ADAMTS19: variants seen among roughly 807,000 people sequenced by gnomAD.
The protein encoded by ADAMTS19 is A disintegrin and metalloproteinase with thrombospondin motifs 19.
A neutral mutation model predicts 153.3 loss-of-function variants in ADAMTS19; 93 were observed. That is an observed-to-expected ratio of 0.61 (90% CI 0.51 to 0.72). ADAMTS19 has a LOEUF of 0.72. Among genes scored for constraint, ADAMTS19 ranks in the 30% least tolerant of loss-of-function variants. ADAMTS19 has a pLI of 0.00. For synonymous variants in ADAMTS19, 600 were observed against 556.6 expected (o/e 1.08, Z -1.10); for missense variants, 1,482 against 1,552.1 (o/e 0.95, Z 0.76).
chr5:129,571,869 T>C (rs1437506879), intron 7 of ADAMTS19, among the ~76,000 whole-genome samples: 3 of 151,812 alleles, frequency 2.0e-5, no homozygotes, highest in Admixed American at 1.3e-4. Context: ...TAGGGGCCAA[T>C]TGATTTTCTA....
In ADAMTS19 at chr5:129,738,036, A is replaced by T. The variant is rs934638286; in HGVS notation, c.*818A>T. ...AATATTTTTAACAAAGAAAACATTG[A>T]TCCACCCATTTCCCTGTATCTTTTT... On this transcript the variant is annotated 3_prime_UTR_variant, in exon 23 of 23. Coordinates refer to ENST00000274487, the MANE Select transcript of ADAMTS19 (RefSeq NM_133638.6). The T allele has an allele frequency of 6.6e-6, 1 of 152,482 alleles. No individual in the cohort carries two copies. The highest frequency in any genetic ancestry group is 2.4e-5 in the African/African-American group (1 of 41,428). The allele number at this position is 152,482 out of a possible 1,614,324, so 9.4% of individuals were successfully genotyped here. A position where few individuals can be genotyped will look rare whatever the true frequency, so the allele number is the denominator to read the frequency against.
At chr5:129,540,223 A>G (rs1434235991) in intron 6 of ADAMTS19, among the ~76,000 whole-genome samples, 1 of 152,084 alleles carries the variant, frequency 6.6e-6, no homozygotes, top group Non-Finnish European at 1.5e-5. Flanking sequence ...TAATAGGAAG[A>G]AATTTTAGCT....
chr5:129,658,322 AAAG>A (rs1421431764), intron 14 of ADAMTS19, among the ~76,000 whole-genome samples: 1 of 86,990 alleles, frequency 1.1e-5, no homozygotes, highest in Non-Finnish European at 2.4e-5. Context: ...AGAAAGAAAG[AAAG>A]AAAGAAAGAA....
intron 6 of ADAMTS19, among the ~76,000 whole-genome samples, chr5:129,532,404 A>C (rs1752240734): frequency 6.6e-6 from 1 of 152,206 alleles, no homozygotes; most frequent in South Asian, 2.1e-4. Context: ...AATGCAAATT[A>C]AATTCACACC....
chr5:129,655,547 G>A (rs1265611118), intron 14 of ADAMTS19, among the ~76,000 whole-genome samples: 4 of 152,134 alleles, frequency 2.6e-5, no homozygotes, highest in African/African-American at 9.7e-5. Context: ...AACAAAGTTG[G>A]TAGACCATTG....
intron 16 of ADAMTS19, among the ~76,000 whole-genome samples, chr5:129,675,594 T>A (rs56007130): frequency 0.11 from 16,002 of 152,192 alleles, 883 homozygotes; most frequent in Middle Eastern, 0.17. Context: ...ACTTTATCAT[T>A]ACAGTTATTA....
intron 21 of ADAMTS19, among the ~76,000 whole-genome samples, chr5:129,717,366 T>C (rs983023042): frequency 2.0e-5 from 3 of 152,242 alleles, no homozygotes; most frequent in Non-Finnish European, 4.4e-5. Flanking sequence ...GGTTGATTTT[T>C]CTGACTCTAA....
At chr5:129,715,774 CTCATCAGA>C (rs1756697278) in intron 21 of ADAMTS19, among the ~76,000 whole-genome samples, 1 of 152,106 alleles carries the variant, frequency 6.6e-6, no homozygotes, top group East Asian at 1.9e-4. Context: ...TTTCAATGTG[CTCATCAGA>C]TAGTTAAATA....
chr5:129,645,260 G>A (rs1379866618), intron 11 of ADAMTS19, among the ~76,000 whole-genome samples: 2 of 152,108 alleles, frequency 1.3e-5, no homozygotes, highest in Non-Finnish European at 2.9e-5. Flanking sequence ...GCTAAAAAAT[G>A]CAAACGTTGT....
intron 11 of ADAMTS19, among the ~76,000 whole-genome samples, chr5:129,642,461 A>C (rs1752834861): frequency 6.6e-6 from 1 of 152,188 alleles, no homozygotes. Flanking sequence ...TGTACTTCAT[A>C]AGGCTTTAAA....
intron 7 of ADAMTS19, 39 bp from the exon 8 acceptor site, chr5:129,596,520 T>C: frequency 7.5e-7 from 1 of 1,335,622 alleles, no homozygotes; most frequent in East Asian, 2.4e-5. Context: ...ATTTGCATAT[T>C]CATTCAGACA....
rs1757614164 is a variant in ADAMTS19, at chr5:129,735,204, A to AAAT, written c.3490+96_3490+97insATA. 2.5e-6 allele frequency: 3 copies of AAAT among 1,196,296 alleles called. No individual in the cohort carries two copies. In the East Asian group the frequency reaches 8.4e-5, roughly 34 times the overall value. The allele number at this position is 1,196,296 out of a possible 1,614,324, so 74.1% of individuals were successfully genotyped here. A position where few individuals can be genotyped will look rare whatever the true frequency, so the allele number is the denominator to read the frequency against. ...ATTACTTTAAACCTTGATAGTTGTA[A>AAAT]ATCTATACTGATTATTTTGGTTTGC... On this transcript the variant is annotated intron_variant, in intron 22 of 22. Coordinates refer to ENST00000274487, the MANE Select transcript of ADAMTS19 (RefSeq NM_133638.6).
chr5:129,475,485 AT>A (rs1465851815), intron 2 of ADAMTS19, among the ~76,000 whole-genome samples: 1 of 152,212 alleles, frequency 6.6e-6, no homozygotes, highest in Non-Finnish European at 1.5e-5. Flanking sequence ...AGCTTATAAT[AT>A]TTTTTGAATT....
At chr5:129,670,616 T>C (rs1754260127) in intron 16 of ADAMTS19, among the ~76,000 whole-genome samples, 1 of 152,162 alleles carries the variant, frequency 6.6e-6, no homozygotes. Flanking sequence ...TTATTTTAAG[T>C]AATTGTCGTC....
chr5:129,698,867 G>T (rs1314784693), intron 19 of ADAMTS19, among the ~76,000 whole-genome samples: 1 of 152,138 alleles, frequency 6.6e-6, no homozygotes, highest in Non-Finnish European at 1.5e-5. Flanking sequence ...TCCACCAGGG[G>T]ACTCCAAAGC....
chr5:129,735,314 C>G (rs1433242234), intron 22 of ADAMTS19, among the ~76,000 whole-genome samples: 1 of 151,934 alleles, frequency 6.6e-6, no homozygotes, highest in Non-Finnish European at 1.5e-5. Flanking sequence ...GCTTTGATTC[C>G]CAAAGTTGTC....
At chr5:129,548,408 CAAAA>C (rs1249326697) in intron 6 of ADAMTS19, among the ~76,000 whole-genome samples, 1 of 151,542 alleles carries the variant, frequency 6.6e-6, no homozygotes, top group African/African-American at 2.4e-5. Context: ...TTTATGCAGC[CAAAA>C]AACACATGAA....
chr5:129,626,173 G>T (rs1428799374), intron 10 of ADAMTS19, among the ~76,000 whole-genome samples: 1 of 152,066 alleles, frequency 6.6e-6, no homozygotes, highest in Non-Finnish European at 1.5e-5. Context: ...TCCAAACTCA[G>T]ATTATGTCTA....
chr5:129,528,576 G>GCA lies in ADAMTS19; in HGVS notation c.1228_1229dup (p.Gln410HisfsTer14). 1 of 1,602,532 alleles carries GCA rather than the reference G, an allele frequency of 6.2e-7. No homozygotes were observed. The highest frequency in any genetic ancestry group is 8.5e-7 in the Non-Finnish European group (1 of 1,175,166). On this transcript the variant is annotated frameshift_variant, in exon 6 of 23. Coordinates refer to ENST00000274487, the MANE Select transcript of ADAMTS19 (RefSeq NM_133638.6). LOFTEE classifies it high-confidence loss of function. Reference sequence around the variant, plus strand: ...AAATGCTAGAGAGTTTTTGTAAGTGGCAACATGAAGAATTTGGCAAAAAGA... The same window carrying GCA: ...AAATGCTAGAGAGTTTTTGTAAGTGGCACAACATGAAGAATTTGGCAAAAAGA...
Sources: gnomAD v4.1 joint callset for allele counts (sites outside exome capture counted in the v4.1 genomes callset) on GRCh38, gnomAD v4.1.1 for gene constraint, MANE v1.5 for transcripts, NCBI Gene and HGNC (gene_info 2026-07-23, HGNC 2026-07-21) for gene names.